The following RPL35A variants were observed in gnomAD, a reference collection of about 807,000 sequenced individuals.
The protein encoded by RPL35A is large ribosomal subunit protein eL33.
RPL35A carries 1 observed loss-of-function variant against 16.7 expected under a neutral mutation model. The ratio of observed to expected loss-of-function variants is 0.06; its 90% CI spans 0.02 to 0.28. The LOEUF (loss-of-function observed/expected upper bound fraction) is 0.28, where lower values mean the gene tolerates loss of function less well. Ranked by LOEUF, RPL35A falls within the 10% of genes least tolerant of loss-of-function variation. The pLI is 1.00. For missense variants in RPL35A, 91 were observed against 138.7 expected (o/e 0.66, Z 1.73); for synonymous variants, 58 against 47.0 (o/e 1.23, Z -0.96).
intron 3 of RPL35A, 85 bp downstream of exon 3, chr3:197,951,396 G>A: frequency 1.4e-6 from 2 of 1,452,430 alleles, no homozygotes; most frequent in East Asian, 2.3e-5. Flanking sequence ...CTCTGTTGCC[G>A]AGGCTGGAAT....
chr3:197,952,198 G>C (rs1320108631), intron 3 of RPL35A, among the ~76,000 whole-genome samples: 1 of 117,764 alleles, frequency 8.5e-6, no homozygotes. Context: ...TGGAGACGGA[G>C]TCTCACTGTC....
At chr3:197,952,176 T>C (rs1434815827) in intron 3 of RPL35A, among the ~76,000 whole-genome samples, 1 of 139,932 alleles carries the variant, frequency 7.1e-6, no homozygotes, top group Admixed American at 7.1e-5. Context: ...TTTTTTTTTT[T>C]TTTTTTTTTT....
At position 197,954,091 on chromosome 3, in the gene RPL35A, C is replaced by G. The variant is rs773689278; in HGVS notation, c.253C>G (p.Arg85Gly). Residue 85 changes from arginine to glycine, a missense_variant, in exon 4 of 5, where the codon CGT becomes GGT. Physicochemically the swap from Arg to Gly is moderately radical, Grantham distance 125 (BLOSUM62 -2). Coordinates refer to ENST00000647248, the MANE Select transcript of RPL35A (RefSeq NM_000996.4). ...GGCCCATGGAAACAGTGGCATGGTT[C>G]GTGCCAAATTCCGAAGCAATCTTCC... ...TRAHGNSGMVRAKFRSNLPAK... is the reference protein window; with the variant it reads ...TRAHGNSGMVGAKFRSNLPAK... The G allele has an allele frequency of 3.1e-6, 5 of 1,614,008 alleles. No homozygotes were observed. In the Admixed American group the frequency reaches 8.3e-5, roughly 27 times the overall value.
intron 3 of RPL35A, among the ~76,000 whole-genome samples, chr3:197,952,091 CT>C (rs1186118019): frequency 6.7e-6 from 1 of 149,594 alleles, no homozygotes; most frequent in Non-Finnish European, 1.5e-5. Context: ...TTCTCGGCTC[CT>C]TTTGCCAGAA....
In RPL35A at chr3:197,954,268, A is replaced by G. The variant is rs1317614680; in HGVS notation, c.309+121A>G. On this transcript the variant is annotated intron_variant, in intron 4 of 4. Transcript: ENST00000647248. ...TGACACCAGTAAATTATGCTGCAAA[A>G]TTTGTGTATTGCAGAACACTGGAGA... is the stretch of plus-strand genomic sequence containing the variant. The G allele has an allele frequency of 1.4e-5, 13 of 939,356 alleles. No homozygotes were observed. The East Asian group carries it at 3.3e-4, about 24-fold the overall frequency. The allele number at this position is 939,356 out of a possible 1,614,324, so 58.2% of individuals were successfully genotyped here.
chr3:197,952,073 A>T (rs757686898), intron 3 of RPL35A, among the ~76,000 whole-genome samples: 2 of 150,670 alleles, frequency 1.3e-5, no homozygotes, highest in Non-Finnish European at 3.0e-5. Context: ...TAAGGTTTCT[A>T]ATTTTTTTTC....
chr3:197,953,660 G>C (rs569259507), intron 3 of RPL35A: 30 of 438,394 alleles, frequency 6.8e-5, no homozygotes, highest in African/African-American at 5.3e-4. Flanking sequence ...TAAAATGGCA[G>C]GTAATTCCTC....
At chr3:197,952,488 CTTTTCTTTT>C (rs1193118319) in intron 3 of RPL35A, 1 of 151,754 alleles carries the variant, frequency 6.6e-6, no homozygotes, top group Non-Finnish European at 1.5e-5. Flanking sequence ...TCTTTTCTTT[CTTTTCTTTT>C]TTTCTTTCTT....
intron 3 of RPL35A, chr3:197,951,793 G>A: frequency 5.7e-6 from 1 of 174,534 alleles, no homozygotes; most frequent in Non-Finnish European, 1.3e-5. Flanking sequence ...CTGCCTCCTG[G>A]CTCAAGCGAT....
chr3:197,951,319 T>A lies in RPL35A; in HGVS notation c.164+8T>A. 2 of 1,613,892 alleles carry A rather than the reference T, an allele frequency of 1.2e-6. No homozygotes were observed. The highest frequency in any genetic ancestry group is 1.7e-6 in the Non-Finnish European group (2 of 1,179,792). ...TGTATATAAAGCAAAGAAGTAAGTT[T>A]ATGACACTGGTAGGTTTTGGGTTTT... On this transcript the variant is annotated splice_region_variant and intron_variant, in intron 3 of 4. Transcript: ENST00000647248.
rs1310451405 is a variant in RPL35A, at chr3:197,950,224, G to A, written c.-33+3G>A. 8.1e-7 allele frequency: 1 copy of A among 1,231,304 alleles called. No individual in the cohort carries two copies. The highest frequency in any genetic ancestry group is 1.0e-6 in the Non-Finnish European group (1 of 987,854). 76.3% of individuals were successfully genotyped at this position (1,231,304 alleles called of 1,614,324 possible). ...CCGCCATCTTGGCTCCTGTGGAGGT[G>A]AGTGAAGGGTCTGCTGCTGAAATTT... is the stretch of plus-strand genomic sequence containing the variant. On this transcript the variant is annotated splice_donor_region_variant and intron_variant, in intron 1 of 4. Coordinates refer to ENST00000647248, the MANE Select transcript of RPL35A (RefSeq NM_000996.4).
chr3:197,951,046 T>G (rs1720028225), intron 2 of RPL35A, 68 bp downstream of exon 2: 3 of 1,605,334 alleles, frequency 1.9e-6, no homozygotes, highest in Non-Finnish European at 1.7e-6. Flanking sequence ...AGCTTAAAAT[T>G]GGCAAGAAAA....
At chr3:197,950,744 C>T in intron 1 of RPL35A, 192 bp from the exon 2 acceptor site, 1 of 603,860 alleles carries the variant, frequency 1.7e-6, no homozygotes, top group South Asian at 2.1e-5. Flanking sequence ...TGCTTAGATA[C>T]CAGCTGTTCT....
intron 3 of RPL35A, chr3:197,951,710 T>G: frequency 4.5e-6 from 1 of 221,170 alleles, no homozygotes. Context: ...GGTATTGTTT[T>G]TTTGTTTTTG....
chr3:197,950,928 G>GTTT lies in RPL35A; in HGVS notation c.-32-6_-32-4dup. 1 of 1,613,912 alleles carries GTTT rather than the reference G, an allele frequency of 6.2e-7. No homozygotes were observed. The highest frequency in any genetic ancestry group is 8.5e-7 in the Non-Finnish European group (1 of 1,179,822). On this transcript the variant is annotated splice_region_variant and splice_polypyrimidine_tract_variant and intron_variant, in intron 1 of 4. Transcript: ENST00000647248. ...TGGTTTTAAACTAATCTTTTTGTTT[G>GTTT]TTTTAAGGCCTGCTGGGAACGGGAC...
At chr3:197,951,334 T>C (rs762964301) in intron 3 of RPL35A, 23 bp downstream of exon 3, 1 of 1,612,958 alleles carries the variant, frequency 6.2e-7, no homozygotes, top group Non-Finnish European at 8.5e-7. Context: ...CACTGGTAGG[T>C]TTTGGGTTTT....
At chr3:197,950,783 G>T in intron 1 of RPL35A, 153 bp from the exon 2 acceptor site, 2 of 664,094 alleles carry the variant, frequency 3.0e-6, no homozygotes, top group Non-Finnish European at 2.6e-6. Context: ...GCCGGACCCT[G>T]CGTTTCATAT....
intron 3 of RPL35A, chr3:197,953,368 C>T (rs868360624): frequency 1.1e-5 from 5 of 449,858 alleles, no homozygotes; most frequent in Non-Finnish European, 2.2e-5. Context: ...AAGACAACCC[C>T]GTGGTCTTTA....
intron 1 of RPL35A, chr3:197,950,660 A>C: frequency 2.0e-6 from 1 of 509,172 alleles, no homozygotes; most frequent in South Asian, 2.5e-5. Flanking sequence ...TGATAACGGC[A>C]TGCATTTTCT....
Sources: gnomAD v4.1 joint callset for allele counts (sites outside exome capture counted in the v4.1 genomes callset) on GRCh38, gnomAD v4.1.1 for gene constraint, MANE v1.5 for transcripts, NCBI Gene and HGNC (gene_info 2026-07-23, HGNC 2026-07-21) for gene names.